The following CNTN5 variants were observed in gnomAD, a reference collection of about 807,000 sequenced individuals.
CNTN5 encodes contactin-5.
A neutral mutation model predicts 129.1 loss-of-function variants in CNTN5; 77 were observed. That is an observed-to-expected ratio of 0.60 (90% CI 0.50 to 0.72). The LOEUF (loss-of-function observed/expected upper bound fraction) is 0.72, where lower values mean the gene tolerates loss of function less well. Ranked by LOEUF, CNTN5 falls within the 30% of genes least tolerant of loss-of-function variation. The pLI is 0.00. For missense variants in CNTN5, 1,478 were observed against 1,328.8 expected (o/e 1.11, Z -1.75); for synonymous variants, 509 against 465.6 (o/e 1.09, Z -1.20).
chr11:100,276,365 A>G (rs1950510216), intron 18 of CNTN5, among the ~76,000 whole-genome samples: 2 of 152,028 alleles, frequency 1.3e-5, no homozygotes, highest in South Asian at 4.2e-4. Context: ...CATGGCAAAA[A>G]CCATCTCTGC....
chr11:99,609,345 G>A (rs1950527371), intron 3 of CNTN5, among the ~76,000 whole-genome samples: 1 of 152,138 alleles, frequency 6.6e-6, no homozygotes, highest in African/African-American at 2.4e-5. Flanking sequence ...TGAGTGGTAA[G>A]CAATTATTCT....
At chr11:99,172,104 T>C (rs1048505877) in intron 1 of CNTN5, among the ~76,000 whole-genome samples, 2 of 152,194 alleles carry the variant, frequency 1.3e-5, no homozygotes, top group East Asian at 1.9e-4. Context: ...AAGGCAGATA[T>C]AGTGAGAAGC....
intron 1 of CNTN5, among the ~76,000 whole-genome samples, chr11:99,125,668 T>C (rs1187412823): frequency 2.6e-5 from 4 of 152,152 alleles, no homozygotes; most frequent in African/African-American, 9.6e-5. Context: ...CCAAACTACA[T>C]TATTTTAAAT....
Position 99,149,592 on chromosome 11 carries a change from C to A in CNTN5, c.-210+128322C>A, listed in dbSNP as rs1319432622. ...AGAAGCAAATCAACAAAACTGTTGG[C>A]AACAGCTTAGCAACTTCTAACAAAG... On this transcript the variant is annotated intron_variant, in intron 1 of 24. Coordinates refer to ENST00000524871, the MANE Select transcript of CNTN5 (RefSeq NM_014361.4). 2.6e-5 allele frequency among the ~76,000 whole-genome samples: 4 copies of A among 152,036 alleles called. No individual in the cohort carries two copies. In the East Asian group the frequency reaches 7.7e-4, roughly 29 times the overall value.
intron 2 of CNTN5, among the ~76,000 whole-genome samples, chr11:99,551,533 T>G (rs2135523935): frequency 6.6e-6 from 1 of 152,312 alleles, no homozygotes; most frequent in African/African-American, 2.4e-5. Context: ...ATCTAATAAA[T>G]GGTAGTTGTT....
chr11:99,897,773 C>G (rs1949245904), intron 6 of CNTN5, among the ~76,000 whole-genome samples: 1 of 152,108 alleles, frequency 6.6e-6, no homozygotes, highest in Non-Finnish European at 1.5e-5. Context: ...AACACTATGT[C>G]AGGAATAAAA....
intron 13 of CNTN5, among the ~76,000 whole-genome samples, chr11:100,086,922 A>G (rs538810047): frequency 1.7e-4 from 26 of 151,764 alleles, no homozygotes; most frequent in Admixed American, 4.6e-4. Flanking sequence ...GTTACAAAAG[A>G]GGGGAGTTGA....
intron 3 of CNTN5, among the ~76,000 whole-genome samples, chr11:99,638,445 C>A (rs533807765): frequency 1.3e-4 from 20 of 152,114 alleles, no homozygotes; most frequent in Non-Finnish European, 2.5e-4. Context: ...TCTCAACAGT[C>A]CCCCAAACTC....
chr11:99,032,682 A>T (rs1341892156), intron 1 of CNTN5, among the ~76,000 whole-genome samples: 3 of 150,856 alleles, frequency 2.0e-5, no homozygotes, highest in Non-Finnish European at 4.4e-5. Flanking sequence ...TTGTCAGATG[A>T]GTAGGTTGCG....
chr11:100,204,296 TAATATATATATA>T (rs1948860919), intron 15 of CNTN5, among the ~76,000 whole-genome samples: 1 of 15,294 alleles, frequency 6.5e-5, no homozygotes, highest in Admixed American at 1.4e-3. Flanking sequence ...AAACATTGAC[TAATATATATATA>T]TATATATATA....
chr11:99,450,257 A>AATATATATATATAT lies in CNTN5; in HGVS notation c.-70-105873_-70-105860dup, dbSNP rs56270711. Among the ~76,000 whole-genome samples, 218 of 145,964 alleles carry AATATATATATATAT rather than the reference A, an allele frequency of 1.5e-3. 1 individual carries two copies. The highest frequency in any genetic ancestry group is 5.2e-3 in the African/African-American group (207 of 39,628). On this transcript the variant is annotated intron_variant, in intron 2 of 24. Transcript: ENST00000524871. ...TTTGGCAAAAAGTATTGCTGGTAGA[A>AATATATATATATAT]ATATATATATATATATATATATATA...
At chr11:100,140,146 G>T (rs956298754) in intron 13 of CNTN5, among the ~76,000 whole-genome samples, 2 of 152,184 alleles carry the variant, frequency 1.3e-5, no homozygotes, top group African/African-American at 4.8e-5. Flanking sequence ...TGAAATAATT[G>T]CCTGAAAGAG....
intron 1 of CNTN5, among the ~76,000 whole-genome samples, chr11:99,222,810 T>C (rs777762890): frequency 2.0e-5 from 3 of 152,212 alleles, no homozygotes; most frequent in Non-Finnish European, 4.4e-5. Flanking sequence ...TTATTTGTAT[T>C]CTTCCTTGTC....
chr11:99,893,259 A>C (rs1441384), intron 6 of CNTN5, among the ~76,000 whole-genome samples: 14,259 of 152,104 alleles, frequency 0.094, 1,482 homozygotes, highest in African/African-American at 0.26. Flanking sequence ...ACTATGTATC[A>C]AGACACTCTT....
intron 3 of CNTN5, among the ~76,000 whole-genome samples, chr11:99,748,383 T>C (rs1944125961): frequency 6.6e-6 from 1 of 151,458 alleles, no homozygotes; most frequent in African/African-American, 2.4e-5. Flanking sequence ...ATTCAATCTT[T>C]GTATTAGTCA....
At chr11:99,842,375 A>G (rs902600967) in intron 4 of CNTN5, among the ~76,000 whole-genome samples, 3 of 152,208 alleles carry the variant, frequency 2.0e-5, no homozygotes, top group South Asian at 4.1e-4. Flanking sequence ...ATTAATCACA[A>G]TTTATTCAGT....
chr11:100,250,754 G>T (rs1404957410), intron 16 of CNTN5, among the ~76,000 whole-genome samples: 3 of 152,044 alleles, frequency 2.0e-5, no homozygotes, highest in Non-Finnish European at 4.4e-5. Flanking sequence ...CCAGCTGAAA[G>T]TTTAAAAATT....
At chr11:100,148,851 G>T (rs778365392) in intron 13 of CNTN5, among the ~76,000 whole-genome samples, 1 of 150,960 alleles carries the variant, frequency 6.6e-6, no homozygotes, top group Admixed American at 6.6e-5. Flanking sequence ...GTTTGGTAGT[G>T]CGGTTCTTAT....
chr11:99,304,440 G>A (rs1233940558), intron 1 of CNTN5, among the ~76,000 whole-genome samples: 1 of 152,094 alleles, frequency 6.6e-6, no homozygotes, highest in African/African-American at 2.4e-5. Flanking sequence ...ACGGGACAAA[G>A]AAGTTGACAT....
Sources: allele counts gnomAD v4.1 joint callset (sites outside exome capture counted in the v4.1 genomes callset), GRCh38; gene constraint gnomAD v4.1.1; transcripts MANE v1.5; gene names NCBI Gene and HGNC (gene_info 2026-07-23, HGNC 2026-07-21).